Variants in MAPK8IP3 observed in about 807,000 individuals in gnomAD.
MAPK8IP3 encodes C-Jun-amino-terminal kinase-interacting protein 3.
A neutral mutation model predicts 157.8 loss-of-function variants in MAPK8IP3; 49 were observed. The observed-to-expected ratio is 0.31, with a 90% CI of 0.25 to 0.39. The LOEUF (loss-of-function observed/expected upper bound fraction) is 0.39. MAPK8IP3 is among the 10% of genes least tolerant of loss of function. The pLI is 1.00. For synonymous variants in MAPK8IP3, 897 were observed against 777.7 expected (o/e 1.15, Z -2.55); for missense variants, 1,478 against 1,889.4 (o/e 0.78, Z 4.04).
At chr16:1,740,348 G>A (rs549602927) in intron 4 of MAPK8IP3, among the ~76,000 whole-genome samples, 14 of 150,696 alleles carry the variant, frequency 9.3e-5, no homozygotes, top group African/African-American at 2.4e-4. Context: ...GTGAGCCTCC[G>A]TGTGAGCGTG....
rs2040087681 is a variant in MAPK8IP3, at chr16:1,737,582, C to T, written c.603-5750C>T. On this transcript the variant is annotated intron_variant, in intron 4 of 31. Coordinates refer to ENST00000610761, the MANE Select transcript of MAPK8IP3 (RefSeq NM_001318852.2). Reference sequence around the variant, plus strand: ...TCCATGTGAGCATCTGTGTGACCGTCCGTGAGCATCCGTGTGAGCGTGTGA... The same window carrying T: ...TCCATGTGAGCATCTGTGTGACCGTTCGTGAGCATCCGTGTGAGCGTGTGA... Among the ~76,000 whole-genome samples the T allele has an allele frequency of 2.6e-5, 2 of 76,684 alleles. 1 individual carries two copies. The allele number at this position is 76,684 out of a possible 152,430, so 50.3% of individuals were successfully genotyped here. A position where few individuals can be genotyped will look rare whatever the true frequency, so the allele number is the denominator to read the frequency against.
chr16:1,740,558 T>G (rs1596675617), intron 4 of MAPK8IP3, among the ~76,000 whole-genome samples: 1 of 152,202 alleles, frequency 6.6e-6, no homozygotes, highest in Admixed American at 6.5e-5. Context: ...TGTCTCGCCC[T>G]CTGTGCCATC....
intron 3 of MAPK8IP3, 68 bp downstream of exon 3, chr16:1,729,276 C>T: frequency 6.5e-7 from 1 of 1,544,178 alleles, no homozygotes; most frequent in Non-Finnish European, 8.9e-7. Context: ...GCCTGCGACT[C>T]TTGCGGACCG....
chr16:1,718,142 C>T (rs1237981382), intron 1 of MAPK8IP3, among the ~76,000 whole-genome samples: 1 of 151,892 alleles, frequency 6.6e-6, no homozygotes, highest in Non-Finnish European at 1.5e-5. Context: ...TGTGAGCCAC[C>T]AAGCCCGGCT....
At position 1,768,774 on chromosome 16, in the gene MAPK8IP3, G is replaced by A. The variant is rs1423557889; in HGVS notation, c.3964G>A (p.Ala1322Thr). The change falls in exon 32 of 32, where the codon GCA becomes ACA. Residue 1322 changes from alanine to threonine, a missense_variant. By Grantham distance (58) the Ala-to-Thr change is moderately conservative (BLOSUM62 0). Coordinates refer to ENST00000610761, the MANE Select transcript of MAPK8IP3 (RefSeq NM_001318852.2). ...MSQVKPVLSKAERSHIIVWQV... is the reference protein window; with the variant it reads ...MSQVKPVLSKTERSHIIVWQV... ...CCAGGTGAAGCCCGTGCTGTCCAAG[G>A]CAGAGCGCAGTCACATCATCGTGTG... 1 of 1,612,752 alleles carries A rather than the reference G, an allele frequency of 6.2e-7. No homozygotes were observed. Among genetic ancestry groups the A allele is most frequent in the African/African-American group, 1.3e-5 (1 of 75,016 alleles).
At position 1,769,304 on chromosome 16, in the gene MAPK8IP3, G is replaced by T; in HGVS notation, c.*480G>T. The T allele has an allele frequency of 5.8e-6, 1 of 171,452 alleles. No homozygotes were observed. The highest frequency in any genetic ancestry group is 1.3e-5 in the Non-Finnish European group (1 of 79,266). The allele number at this position is 171,452 out of a possible 1,614,324, so 10.6% of individuals were successfully genotyped here. On this transcript the variant is annotated 3_prime_UTR_variant, in exon 32 of 32. Coordinates refer to ENST00000610761, the MANE Select transcript of MAPK8IP3 (RefSeq NM_001318852.2). ...CCTAGGGGAGCTGGGCCAGGCACTA[G>T]CCTTTGCCCAGGGAGGTGGGCCTCA... is the stretch of plus-strand genomic sequence containing the variant.
At chr16:1,736,129 A>C (rs1379697962) in intron 4 of MAPK8IP3, among the ~76,000 whole-genome samples, 1 of 95,308 alleles carries the variant, frequency 1.0e-5, no homozygotes, top group Non-Finnish European at 2.0e-5. Flanking sequence ...CGTGTGTGTG[A>C]CCATCCATGT....
intron 1 of MAPK8IP3, among the ~76,000 whole-genome samples, chr16:1,723,606 C>A (rs558423415): frequency 9.2e-5 from 14 of 152,038 alleles, no homozygotes; most frequent in African/African-American, 3.4e-4. Context: ...AGAGACAGAG[C>A]GAGACTCTCT....
intron 4 of MAPK8IP3, among the ~76,000 whole-genome samples, chr16:1,731,157 TAATA>T (rs925731458): frequency 2.6e-5 from 4 of 151,386 alleles, no homozygotes; most frequent in Admixed American, 6.6e-5. Flanking sequence ...CATAAATAAA[TAATA>T]AATCATAAAA....
Position 1,741,299 on chromosome 16 carries a change from C to T in MAPK8IP3, c.603-2033C>T, listed in dbSNP as rs1043768417. 6.6e-6 allele frequency among the ~76,000 whole-genome samples: 1 copy of T among 152,172 alleles called. No individual in the cohort carries two copies. Among genetic ancestry groups the T allele is most frequent in the Non-Finnish European group, 1.5e-5 (1 of 68,024 alleles). ...GACGGGGTCAGTCGGCAAACGCTCA[C>T]GAGCCTGAGGCCAGGGCCTGGGGGC... On this transcript the variant is annotated intron_variant, in intron 4 of 31. Transcript: ENST00000610761. The surrounding 1 kb of genome is among the most constrained non-coding windows in gnomAD (Gnocchi z 6.9).
At chr16:1,759,770 C>T (rs1487191767) in intron 10 of MAPK8IP3, among the ~76,000 whole-genome samples, 188 bp from the exon 11 acceptor site, 1 of 152,246 alleles carries the variant, frequency 6.6e-6, no homozygotes, top group East Asian at 1.9e-4. Flanking sequence ...GGCCTGGGAG[C>T]CTGCTCTGTG....
chr16:1,761,333 C>A, intron 13 of MAPK8IP3, 28 bp downstream of exon 13: 1 of 1,595,010 alleles, frequency 6.3e-7, no homozygotes, highest in South Asian at 1.1e-5. Flanking sequence ...TCTTCACATG[C>A]GGGGCGTCCA....
In MAPK8IP3 at chr16:1,748,583, G is replaced by A. The variant is rs534900372; in HGVS notation, c.1098-19G>A. 52 of 1,598,088 alleles carry A rather than the reference G, an allele frequency of 3.3e-5. No homozygotes were observed. The South Asian group carries it at 4.5e-4, about 14-fold the overall frequency. ...GCCCACTGACTCTGCTCTCTCTCCC[G>A]ACCTGTGGATCCCAACAGCCCAACC... is the stretch of plus-strand genomic sequence containing the variant. On this transcript the variant is annotated intron_variant, in intron 7 of 31. Coordinates refer to ENST00000610761, the MANE Select transcript of MAPK8IP3 (RefSeq NM_001318852.2).
chr16:1,759,534 C>T (rs980539941), intron 10 of MAPK8IP3, among the ~76,000 whole-genome samples: 12 of 152,182 alleles, frequency 7.9e-5, no homozygotes, highest in Non-Finnish European at 1.3e-4. Context: ...CGCGCCCCAT[C>T]GCCGCACCCC....
intron 2 of MAPK8IP3, among the ~76,000 whole-genome samples, chr16:1,728,516 C>T (rs926897698): frequency 1.3e-5 from 2 of 152,212 alleles, no homozygotes; most frequent in Non-Finnish European, 2.9e-5. Flanking sequence ...TTTCCCCACC[C>T]CCATATTTAA....
intron 4 of MAPK8IP3, among the ~76,000 whole-genome samples, chr16:1,736,074 C>A (rs2039756649): frequency 2.5e-5 from 2 of 78,890 alleles, no homozygotes; most frequent in South Asian, 1.2e-3. Flanking sequence ...GTGTGACCAT[C>A]CGTGTGAGAG....
intron 17 of MAPK8IP3, 32 bp downstream of exon 17, chr16:1,763,815 G>GGCCCCC: frequency 8.7e-7 from 1 of 1,145,716 alleles, no homozygotes; most frequent in Non-Finnish European, 1.1e-6. Context: ...ACCGGGCGGG[G>GGCCCCC]CCCCGCAGAG....
rs768725256 is a variant in MAPK8IP3, at chr16:1,763,788, G to C, written c.2025+5G>C. ...CTGCCCGCCAAGTACAAGCAGGTGC[G>C]GGCGGGCGCTGCGGGGACCGGGCGG... On this transcript the variant is annotated splice_donor_5th_base_variant and intron_variant, in intron 17 of 31. Coordinates refer to ENST00000610761, the MANE Select transcript of MAPK8IP3 (RefSeq NM_001318852.2). 3.2e-6 allele frequency: 5 copies of C among 1,541,676 alleles called. No individual in the cohort carries two copies. The highest frequency in any genetic ancestry group is 4.4e-6 in the Non-Finnish European group (5 of 1,142,150).
rs760607404 is a variant in MAPK8IP3, at chr16:1,747,154, G to C, written c.873G>C (p.Glu291Asp). The C allele has an allele frequency of 6.2e-7, 1 of 1,614,050 alleles. No homozygotes were observed. ...VPSAAVTPLN[E>D]SLQPLGDYGV... ...CGGCCGCCGTCACACCCCTCAACGA[G>C]AGCCTGCAGCCCCTGGGGGACTATG... is the stretch of plus-strand genomic sequence containing the variant. Residue 291 changes from glutamate to aspartate, a missense_variant, in exon 6 of 32, where the codon GAG becomes GAC. By Grantham distance (45) the Glu-to-Asp change is conservative. Coordinates refer to ENST00000610761, the MANE Select transcript of MAPK8IP3 (RefSeq NM_001318852.2).
Sources: gnomAD v4.1 joint callset for allele counts (sites outside exome capture counted in the v4.1 genomes callset) on GRCh38, gnomAD v4.1.1 for gene constraint, Gnocchi (gnomAD v3.1) non-coding constraint, MANE v1.5 for transcripts, NCBI Gene and HGNC (gene_info 2026-07-23, HGNC 2026-07-21) for gene names.